Variants in TPRA1 observed in about 807,000 individuals in gnomAD.
TPRA1 encodes the protein transmembrane protein adipocyte associated 1.
TPRA1 carries 28 observed loss-of-function variants against 40.1 expected under a neutral mutation model. The ratio of observed to expected loss-of-function variants is 0.70; its 90% confidence interval spans 0.52 to 0.96. The LOEUF is 0.96. Ranked by LOEUF, TPRA1 falls within the 40% of genes least tolerant of loss-of-function variation. The pLI, the probability that TPRA1 is intolerant of heterozygous loss-of-function variation, is 0.00. For synonymous variants in TPRA1, 219 were observed against 209.7 expected (o/e 1.04, Z -0.38); for missense variants, 441 against 482.6 (o/e 0.91, Z 0.81).
chr3:127,589,753 ACT>A (rs34998101), intron 1 of TPRA1, among the ~76,000 whole-genome samples: 3,278 of 150,944 alleles, frequency 0.022, 56 homozygotes, highest in Non-Finnish European at 0.035. Context: ...GGTATTTACT[ACT>A]CTCTATCCCG....
chr3:127,580,979 A>C (rs2073813867), intron 1 of TPRA1, among the ~76,000 whole-genome samples: 1 of 152,218 alleles, frequency 6.6e-6, no homozygotes, highest in Non-Finnish European at 1.5e-5. Flanking sequence ...CACTCTGAGC[A>C]TGAGAGGTCG....
At chr3:127,580,337 C>T (rs1033161293) in intron 1 of TPRA1, 174 bp from the exon 2 acceptor site, 2 of 683,982 alleles carry the variant, frequency 2.9e-6, no homozygotes, top group Non-Finnish European at 4.7e-6. Flanking sequence ...CGACCCAATC[C>T]CCCAGGCAGG....
chr3:127,585,445 A>G (rs917853113), intron 1 of TPRA1, among the ~76,000 whole-genome samples: 6 of 152,242 alleles, frequency 3.9e-5, no homozygotes, highest in African/African-American at 1.4e-4. Flanking sequence ...CCATGGGGAC[A>G]GGATGCCAGT....
intron 1 of TPRA1, among the ~76,000 whole-genome samples, chr3:127,596,389 A>G (rs2074240799): frequency 6.6e-6 from 1 of 152,122 alleles, no homozygotes; most frequent in African/African-American, 2.4e-5. Flanking sequence ...ATCCCAGGAT[A>G]ATTTTTTATG....
chr3:127,588,822 A>T (rs1455108645), intron 1 of TPRA1, among the ~76,000 whole-genome samples: 1 of 152,200 alleles, frequency 6.6e-6, no homozygotes, highest in Admixed American at 6.5e-5. Context: ...TCGCCTTCTA[A>T]GGGAGAGAGG....
chr3:127,587,745 C>A (rs1462162481), intron 1 of TPRA1, among the ~76,000 whole-genome samples: 1 of 144,274 alleles, frequency 6.9e-6, no homozygotes, highest in Non-Finnish European at 1.5e-5. Context: ...GGCGCGATGT[C>A]GGCTCACTGC....
chr3:127,575,692 GC>G (rs1426552327), intron 8 of TPRA1, 56 bp downstream of exon 8: 18 of 1,581,476 alleles, frequency 1.1e-5, no homozygotes, highest in Non-Finnish European at 1.6e-5. Context: ...CTCTACAGTG[GC>G]CCGGTAGACT....
intron 1 of TPRA1, among the ~76,000 whole-genome samples, chr3:127,582,544 A>G (rs1466726730): frequency 6.6e-6 from 1 of 152,074 alleles, no homozygotes; most frequent in Non-Finnish European, 1.5e-5. Flanking sequence ...CTACTAAAAA[A>G]TACAAAAATT....
At position 127,575,235 on chromosome 3, in the gene TPRA1, G is replaced by T. The variant is rs1422561324; in HGVS notation, c.804C>A (p.Phe268Leu). 2 of 1,613,868 alleles carry T rather than the reference G, an allele frequency of 1.2e-6. No homozygotes were observed. Among genetic ancestry groups the T allele is most frequent in the Non-Finnish European group, 1.7e-6 (2 of 1,179,966 alleles). The change falls in exon 10 of 11, where the codon TTC becomes TTA. Residue 268 changes from phenylalanine (F) to leucine (L), a missense_variant. By Grantham distance (22) the Phe-to-Leu change is conservative. Coordinates refer to ENST00000355552, the MANE Select transcript of TPRA1 (RefSeq NM_001136053.4). ...CCVDATTFLY[F>L]SFFAPLIYVA... ...CGTAGATGAGCGGAGCGAAGAAGCT[G>T]AAGTACAGGAAGGTTGTGGCATCTA...
intron 3 of TPRA1, 38 bp downstream of exon 3, chr3:127,579,702 G>A (rs1559839230): frequency 1.9e-6 from 3 of 1,609,022 alleles, no homozygotes; most frequent in Non-Finnish European, 2.5e-6. Flanking sequence ...GTTTAACCCA[G>A]TTGGAGTTGG....
chr3:127,592,326 C>T (rs1457149656), upstream of TPRA1, among the ~76,000 whole-genome samples: 2 of 149,586 alleles, frequency 1.3e-5, no homozygotes, highest in Admixed American at 6.7e-5. Flanking sequence ...ACCCTGCGAG[C>T]GCGCCGACAC....
At chr3:127,592,332 G>A (rs184500400), upstream of TPRA1, among the ~76,000 whole-genome samples, 4 of 148,192 alleles carry the variant, frequency 2.7e-5, no homozygotes, top group East Asian at 4.1e-4. Flanking sequence ...CGAGCGCGCC[G>A]ACACACAACA....
intron 1 of TPRA1, among the ~76,000 whole-genome samples, 160 bp downstream of exon 1, chr3:127,590,250 T>G (rs1239668815): frequency 6.6e-6 from 1 of 152,134 alleles, no homozygotes; most frequent in African/African-American, 2.4e-5. Flanking sequence ...ATCCAGGGCC[T>G]TCCCTCCCAA....
At chr3:127,574,960 G>A (rs973758850) in intron 10 of TPRA1, 14 of 585,808 alleles carry the variant, frequency 2.4e-5, no homozygotes, top group Non-Finnish European at 2.1e-5. Context: ...TTGTGCATCC[G>A]TGTGTGCATG....
At chr3:127,573,998 C>T (rs1204310199) in intron 10 of TPRA1, among the ~76,000 whole-genome samples, 4 of 152,140 alleles carry the variant, frequency 2.6e-5, no homozygotes, top group Admixed American at 1.3e-4. Context: ...TGAGCTCAGG[C>T]GGGGGGCATC....
intron 2 of TPRA1, 32 bp from the exon 3 acceptor site, chr3:127,579,904 G>A (rs1392029358): frequency 6.2e-7 from 1 of 1,611,712 alleles, no homozygotes; most frequent in South Asian, 1.1e-5. Context: ...TGGCTCACTG[G>A]CGAGGCCACA....
upstream of TPRA1, chr3:127,595,401 A>C (rs2074231281): frequency 1.3e-5 from 2 of 152,524 alleles, no homozygotes; most frequent in South Asian, 4.1e-4. Flanking sequence ...AAAGCACTCC[A>C]GCCTCCAACT....
chr3:127,584,402 T>C (rs1282373362), intron 1 of TPRA1, among the ~76,000 whole-genome samples: 1 of 114,766 alleles, frequency 8.7e-6, no homozygotes, highest in Non-Finnish European at 1.6e-5. Flanking sequence ...CAAGCTATGA[T>C]CACACCACTG....
intron 10 of TPRA1, 24 bp downstream of exon 10, chr3:127,575,161 G>C (rs780892206): frequency 6.2e-7 from 1 of 1,610,390 alleles, no homozygotes; most frequent in Non-Finnish European, 8.5e-7. Context: ...AGCCACGCGG[G>C]GGCGCCGGCG....
Sources: gnomAD v4.1 joint callset for allele counts (sites outside exome capture counted in the v4.1 genomes callset) on GRCh38, gnomAD v4.1.1 for gene constraint, MANE v1.5 for transcripts, NCBI Gene and HGNC (gene_info 2026-07-23, HGNC 2026-07-21) for gene names.